CTNNBIP1: variants seen among roughly 807,000 people sequenced by gnomAD.
CTNNBIP1 encodes the protein beta-catenin-interacting protein 1.
A neutral mutation model predicts 11.8 loss-of-function variants in CTNNBIP1; 7 were observed. That is an observed-to-expected ratio of 0.60 (90% CI 0.34 to 1.12). CTNNBIP1 has a LOEUF of 1.12. Among genes scored for constraint, CTNNBIP1 ranks in the 50% most tolerant of loss-of-function variants. The pLI is 0.03. For synonymous variants in CTNNBIP1, 58 were observed against 43.9 expected, an observed-to-expected ratio of 1.32 and a Z score of -1.26; for missense variants, 101 against 113.4, an observed-to-expected ratio of 0.89 and a Z score of 0.50.
rs1214048965 is a variant in CTNNBIP1, at chr1:9,851,664, CCCAG to C, written c.188-892_188-889del. 2.0e-5 allele frequency among the ~76,000 whole-genome samples: 3 copies of C among 152,202 alleles called. No homozygotes were observed. The highest frequency in any genetic ancestry group is 4.4e-5 in the Non-Finnish European group (3 of 68,046). On this transcript the variant is annotated intron_variant, in intron 5 of 5. Transcript: ENST00000377263. This position sits in a 1 kb window ranked among gnomAD's most constrained non-coding sequence, Gnocchi z 4.8. ...GGGATTATAGGCAGGAGCCACCGTG[CCCAG>C]CCAATCCTTCTTTTTCTTAATCCTG...
chr1:9,909,474 T>A (rs1639686923), intron 1 of CTNNBIP1, among the ~76,000 whole-genome samples: 1 of 151,864 alleles, frequency 6.6e-6, no homozygotes, highest in Non-Finnish European at 1.5e-5. Flanking sequence ...CAGACCTGAG[T>A]GTCTCGGTTA....
chr1:9,880,817 CTGAT>C (rs1639065958), intron 2 of CTNNBIP1, among the ~76,000 whole-genome samples: 1 of 152,206 alleles, frequency 6.6e-6, no homozygotes, highest in Non-Finnish European at 1.5e-5. Flanking sequence ...TGCTCTGTCA[CTGAT>C]TGGTTGTGCA....
At chr1:9,879,993 G>A (rs1639049383) in intron 2 of CTNNBIP1, among the ~76,000 whole-genome samples, 1 of 152,142 alleles carries the variant, frequency 6.6e-6, no homozygotes, top group African/African-American at 2.4e-5. Flanking sequence ...TAAGTTCCGG[G>A]ATACATGTGC....
chr1:9,853,966 A>G (rs1323478491), intron 5 of CTNNBIP1, among the ~76,000 whole-genome samples: 1 of 152,240 alleles, frequency 6.6e-6, no homozygotes, highest in African/African-American at 2.4e-5. Flanking sequence ...GATTTATCCC[A>G]GGAATGCAAG....
intron 5 of CTNNBIP1, among the ~76,000 whole-genome samples, chr1:9,861,507 C>T (rs1042010701): frequency 6.6e-6 from 1 of 152,160 alleles, no homozygotes; most frequent in African/African-American, 2.4e-5. Flanking sequence ...GGATGGCGGC[C>T]GGCGACCAGT....
chr1:9,860,383 G>A (rs886155840), intron 5 of CTNNBIP1, among the ~76,000 whole-genome samples: 2 of 142,822 alleles, frequency 1.4e-5, no homozygotes, highest in Admixed American at 7.2e-5. Flanking sequence ...CTGAGGTCAG[G>A]AGTTCAAGAC....
chr1:9,901,393 T>C (rs1639519013), intron 1 of CTNNBIP1, among the ~76,000 whole-genome samples: 1 of 151,886 alleles, frequency 6.6e-6, no homozygotes, highest in South Asian at 2.1e-4. Context: ...AGAACAGGGG[T>C]GGGGCCCATA....
At chr1:9,908,249 G>C (rs1639656977) in intron 1 of CTNNBIP1, among the ~76,000 whole-genome samples, 1 of 152,112 alleles carries the variant, frequency 6.6e-6, no homozygotes, top group East Asian at 1.9e-4. Flanking sequence ...AGTAGAGACA[G>C]GGTTTCACCA....
At position 9,909,662 on chromosome 1, in the gene CTNNBIP1, C is replaced by G. The variant is rs546348242; in HGVS notation, c.-144+433G>C. On this transcript the variant is annotated intron_variant, in intron 1 of 5. Coordinates refer to ENST00000377263, the MANE Select transcript of CTNNBIP1 (RefSeq NM_020248.3). Reference sequence around the variant, plus strand: ...AAGGCTCACCGGGGAGGGGTGGAATCGGGAGACGACAGTTCAATCAAACTA... The same window carrying G: ...AAGGCTCACCGGGGAGGGGTGGAATGGGGAGACGACAGTTCAATCAAACTA... Among the ~76,000 whole-genome samples the G allele has an allele frequency of 1.1e-4, 17 of 152,172 alleles. No homozygotes were observed. The South Asian group carries it at 2.1e-3, about 19-fold the overall frequency.
Position 9,872,145 on chromosome 1 carries a change from C to T in CTNNBIP1, c.-24-57G>A, listed in dbSNP as rs1020762539. The stretch of plus-strand genomic sequence containing the variant: ...GAGATCAGGATGTGACATACTGGGA[C>T]AATGACACCTGCTAGTGACCCTCAC... On this transcript the variant is annotated intron_variant, in intron 3 of 5. Coordinates refer to ENST00000377263, the MANE Select transcript of CTNNBIP1 (RefSeq NM_020248.3). This position sits in a 1 kb window ranked among gnomAD's most constrained non-coding sequence, Gnocchi z 4.0. The T allele has an allele frequency of 3.9e-6, 4 of 1,038,158 alleles. No individual in the cohort carries two copies. The African/African-American group carries it at 4.7e-5, about 12-fold the overall frequency. The allele number at this position is 1,038,158 out of a possible 1,614,324, so 64.3% of individuals were successfully genotyped here. A position where few individuals can be genotyped will look rare whatever the true frequency, so the allele number is the denominator to read the frequency against.
At chr1:9,895,998 C>T (rs1226200191) in intron 1 of CTNNBIP1, among the ~76,000 whole-genome samples, 1 of 152,152 alleles carries the variant, frequency 6.6e-6, no homozygotes, top group African/African-American at 2.4e-5. Context: ...TCCCCAATTC[C>T]CCCTCCCCCT....
At chr1:9,877,787 T>G (rs1043920613) in intron 3 of CTNNBIP1, 118 bp downstream of exon 3, 1 of 152,544 alleles carries the variant, frequency 6.6e-6, no homozygotes, top group African/African-American at 2.4e-5. Context: ...CGGTGAAAGG[T>G]AACAGATGAG....
chr1:9,856,373 G>T (rs1474669743), intron 5 of CTNNBIP1, among the ~76,000 whole-genome samples: 1 of 151,880 alleles, frequency 6.6e-6, no homozygotes, highest in African/African-American at 2.4e-5. Flanking sequence ...AATAAATAAA[G>T]AGAACTTTAT....
At chr1:9,885,190 C>T (rs923670709) in intron 1 of CTNNBIP1, among the ~76,000 whole-genome samples, 4 of 152,064 alleles carry the variant, frequency 2.6e-5, no homozygotes, top group East Asian at 1.9e-4. Flanking sequence ...CAACAGGGAG[C>T]GCACTGTGGG....
chr1:9,904,775 C>T (rs1470454535), intron 1 of CTNNBIP1, among the ~76,000 whole-genome samples: 1 of 152,190 alleles, frequency 6.6e-6, no homozygotes, highest in Non-Finnish European at 1.5e-5. Flanking sequence ...GAAGCTTTAA[C>T]TCACACAGAG....
In CTNNBIP1 at chr1:9,872,710, C is replaced by T. The variant is rs2101482983; in HGVS notation, c.-24-622G>A. Among the ~76,000 whole-genome samples, 1 of 152,288 alleles carries T rather than the reference C, an allele frequency of 6.6e-6. No homozygotes were observed. The highest frequency in any genetic ancestry group is 3.4e-3 in the Middle Eastern group (1 of 294). On this transcript the variant is annotated intron_variant, in intron 3 of 5. Coordinates refer to ENST00000377263, the MANE Select transcript of CTNNBIP1 (RefSeq NM_020248.3). This position sits in a 1 kb window ranked among gnomAD's most constrained non-coding sequence, Gnocchi z 4.0. ...GCAGGGCTTGCTACCTCAGCCCTCACAAACCCACCCCACCTGTCAGAGGGT... is the reference window on the plus strand; with the variant it reads ...GCAGGGCTTGCTACCTCAGCCCTCATAAACCCACCCCACCTGTCAGAGGGT...
chr1:9,884,507 C>T (rs1020591201), intron 1 of CTNNBIP1, among the ~76,000 whole-genome samples: 1 of 152,170 alleles, frequency 6.6e-6, no homozygotes, highest in Admixed American at 6.5e-5. Flanking sequence ...AAGCTTCTAT[C>T]TAGCAGGTCA....
chr1:9,869,259 C>A (rs1638808736), intron 5 of CTNNBIP1, among the ~76,000 whole-genome samples: 1 of 152,230 alleles, frequency 6.6e-6, no homozygotes, highest in Non-Finnish European at 1.5e-5. Context: ...CATGGCCTCT[C>A]AAAGTGCTGG....
chr1:9,861,335 A>T (rs550152847), intron 5 of CTNNBIP1, among the ~76,000 whole-genome samples: 1 of 152,294 alleles, frequency 6.6e-6, no homozygotes, highest in East Asian at 1.9e-4. Context: ...ACCACCCTGG[A>T]CTGGGCCTCC....
Sources: gnomAD v4.1 joint callset for allele counts (sites outside exome capture counted in the v4.1 genomes callset) on GRCh38, gnomAD v4.1.1 for gene constraint, Gnocchi (gnomAD v3.1) non-coding constraint, MANE v1.5 for transcripts, NCBI Gene and HGNC (gene_info 2026-07-23, HGNC 2026-07-21) for gene names.